Variants in PAK1 observed in about 807,000 individuals in gnomAD.
The protein encoded by PAK1 is serine/threonine-protein kinase PAK 1.
PAK1 carries 29 observed loss-of-function variants against 67.4 expected under a neutral mutation model. The observed-to-expected ratio is 0.43, with a 90% CI of 0.32 to 0.59. The LOEUF is 0.59. PAK1 is among the 20% of genes least tolerant of loss of function. The pLI is 0.07. For synonymous variants in PAK1, 223 were observed against 237.4 expected, an observed-to-expected ratio of 0.94 and a Z score of 0.56; for missense variants, 337 against 670.7, an observed-to-expected ratio of 0.50 and a Z score of 5.50.
chr11:77,378,652 G>A (rs1949409405), intron 4 of PAK1, among the ~76,000 whole-genome samples: 1 of 152,050 alleles, frequency 6.6e-6, no homozygotes, highest in African/African-American at 2.4e-5. Flanking sequence ...GTAGTGGTGT[G>A]ATCCTTGCTC....
chr11:77,411,381 G>A (rs1050158980), intron 1 of PAK1, among the ~76,000 whole-genome samples: 1 of 151,792 alleles, frequency 6.6e-6, no homozygotes, highest in Admixed American at 6.6e-5. Flanking sequence ...CTCCCTCCCA[G>A]TTCACTCAAC....
At chr11:77,478,920 C>CAA (rs1217145882), upstream of PAK1, among the ~76,000 whole-genome samples, 39 of 106,544 alleles carry the variant, frequency 3.7e-4, no homozygotes, top group Middle Eastern at 5.1e-3. Context: ...ACTAAAAATA[C>CAA]AAAAAAAAAA....
chr11:77,522,628 T>C, the PAK1 span, among the ~76,000 whole-genome samples: 337 of 152,360 alleles, frequency 2.2e-3, 2 homozygotes, highest in African/African-American at 7.8e-3. Context: ...AGTGGGAATG[T>C]AAATTTATTC....
In PAK1 at chr11:77,392,507, C is replaced by T. The variant is rs556454039; in HGVS notation, c.14G>A (p.Gly5Asp). The stretch of plus-strand genomic sequence containing the variant: ...TGGGGGTTTGTCTTGAATGTCTAGG[C>T]CGTTATTTGACATTGTCACCACCAG... MSNN[G>D]LDIQDKPPAP... The change falls in exon 2 of 15, where the codon GGC becomes GAC. Residue 5 changes from glycine to aspartate, a missense_variant. This residue lies in a region of PAK1 where 27 missense variants were observed against 37.0 expected (regional missense o/e 0.73). Transcript: ENST00000356341. 1.2e-6 allele frequency: 2 copies of T among 1,600,600 alleles called. No homozygotes were observed. Among genetic ancestry groups the T allele is most frequent in the South Asian group, 2.2e-5 (2 of 89,638 alleles).
intron 1 of PAK1, among the ~76,000 whole-genome samples, chr11:77,469,702 T>C (rs76471480): frequency 1.3e-5 from 2 of 151,784 alleles, no homozygotes; most frequent in African/African-American, 2.4e-5. Flanking sequence ...TTTTTTTTTT[T>C]AATAATGGGC....
intron 1 of PAK1, among the ~76,000 whole-genome samples, chr11:77,399,582 G>A (rs941802574): frequency 6.6e-5 from 10 of 152,006 alleles, no homozygotes; most frequent in African/African-American, 2.2e-4. Context: ...AAGATTGGCC[G>A]GGCGCGGTGG....
At chr11:77,407,186 T>C (rs1024569112) in intron 1 of PAK1, among the ~76,000 whole-genome samples, 1 of 152,214 alleles carries the variant, frequency 6.6e-6, no homozygotes, top group Non-Finnish European at 1.5e-5. Flanking sequence ...CTGAAGTCAA[T>C]CTACTTTTAA....
At chr11:77,446,935 T>C (rs1956639971) in intron 1 of PAK1, among the ~76,000 whole-genome samples, 1 of 151,210 alleles carries the variant, frequency 6.6e-6, no homozygotes, top group Non-Finnish European at 1.5e-5. Flanking sequence ...AAAGAAGCTG[T>C]AATCTAGAGC....
chr11:77,338,088 T>TA (rs1311768357), intron 11 of PAK1, among the ~76,000 whole-genome samples: 1 of 152,006 alleles, frequency 6.6e-6, no homozygotes, highest in African/African-American at 2.4e-5. Context: ...GCAGAATGAG[T>TA]AATAAAGAGA....
chr11:77,364,689 GA>G (rs1021144581), intron 5 of PAK1, among the ~76,000 whole-genome samples: 1 of 152,058 alleles, frequency 6.6e-6, no homozygotes, highest in African/African-American at 2.4e-5. Flanking sequence ...GACCTAGGGG[GA>G]AAAAAGCAAT....
chr11:77,362,996 A>G (rs1296233883), intron 5 of PAK1, among the ~76,000 whole-genome samples: 3 of 152,262 alleles, frequency 2.0e-5, no homozygotes, highest in East Asian at 1.9e-4. Context: ...TTGCTTTATT[A>G]TATCTTCAAC....
rs568530417 is a variant in PAK1 at position 77,323,124 on chromosome 11, C to T, written c.*150G>A. On this transcript the variant is annotated 3_prime_UTR_variant, in exon 15 of 15. Transcript: ENST00000356341. ...GCAGTTCTCTTCAATGCTGGACACA[C>T]GGTTTCCAAGGATCAAAGTCTTGAG... is the stretch of plus-strand genomic sequence containing the variant. The T allele has an allele frequency of 1.4e-5, 20 of 1,449,078 alleles. No individual in the cohort carries two copies. The highest frequency in any genetic ancestry group is 1.3e-4 in the African/African-American group (9 of 71,172). 89.8% of individuals were successfully genotyped at this position (1,449,078 alleles called of 1,614,324 possible). A position where few individuals can be genotyped will look rare whatever the true frequency, so the allele number is the denominator to read the frequency against.
intron 1 of PAK1, among the ~76,000 whole-genome samples, chr11:77,428,501 G>A (rs1289588501): frequency 1.3e-5 from 2 of 151,890 alleles, no homozygotes; most frequent in South Asian, 2.1e-4. Context: ...GAACCTAGGA[G>A]GCGGAGGTTG....
Position 77,408,415 on chromosome 11 carries a change from T to A in PAK1, c.-21-15874A>T, listed in dbSNP as rs375642442. On this transcript the variant is annotated intron_variant, in intron 1 of 14. Coordinates refer to ENST00000356341, the MANE Select transcript of PAK1 (RefSeq NM_002576.5). ...GCCTGAGCAAAACAGCAAGATCCTG[T>A]CTCAAGAAAAGAAAAAGAAAAAGAC... Among the ~76,000 whole-genome samples, 74 of 151,928 alleles carry A rather than the reference T, an allele frequency of 4.9e-4. No individual in the cohort carries two copies. In the South Asian group the frequency reaches 0.015, roughly 32 times the overall value.
In PAK1 at chr11:77,356,912, G is replaced by A. The variant is rs575573664; in HGVS notation, c.598-1070C>T. ...ATTATACTTCCTTTCCCCAGGAGAT[G>A]CTTCAAGGTATTTAACAGATTTTAT... On this transcript the variant is annotated intron_variant, in intron 6 of 14. Transcript: ENST00000356341. Among the ~76,000 whole-genome samples, 9 of 152,272 alleles carry A rather than the reference G, an allele frequency of 5.9e-5. 1 individual carries two copies. The highest frequency in any genetic ancestry group is 2.2e-4 in the African/African-American group (9 of 41,546).
chr11:77,410,209 A>C (rs1416757712), intron 1 of PAK1, among the ~76,000 whole-genome samples: 2 of 152,064 alleles, frequency 1.3e-5, no homozygotes, highest in Non-Finnish European at 2.9e-5. Context: ...ATCTCACTAA[A>C]GGGAACTTGA....
At chr11:77,412,452 A>G (rs1234889397) in intron 1 of PAK1, among the ~76,000 whole-genome samples, 1 of 152,036 alleles carries the variant, frequency 6.6e-6, no homozygotes, top group African/African-American at 2.4e-5. Context: ...TTTTGAGACA[A>G]GAGTCTTGCT....
At chr11:77,503,308 A>C in the PAK1 span, among the ~76,000 whole-genome samples, 5 of 152,150 alleles carry the variant, frequency 3.3e-5, no homozygotes, top group Non-Finnish European at 7.4e-5. Context: ...ACTTCTTAGC[A>C]AACAGAGTAG....
At chr11:77,428,351 C>T (rs78760773) in intron 1 of PAK1, among the ~76,000 whole-genome samples, 16,733 of 151,926 alleles carry the variant, frequency 0.11, 2,253 homozygotes, top group African/African-American at 0.31. Flanking sequence ...ATCACAAGGT[C>T]GGGAGATCGA....
Sources: allele counts gnomAD v4.1 joint callset (sites outside exome capture counted in the v4.1 genomes callset), GRCh38; gene constraint gnomAD v4.1.1; regional missense constraint gnomAD v4.1.1; transcripts MANE v1.5; gene names NCBI Gene and HGNC (gene_info 2026-07-23, HGNC 2026-07-21).